The following RIC1 variants were observed in gnomAD, a reference collection of about 807,000 sequenced individuals.
The protein encoded by RIC1 is guanine nucleotide exchange factor subunit RIC1.
RIC1 carries 88 observed loss-of-function variants against 169.0 expected under a neutral mutation model. That is an observed-to-expected ratio of 0.52 (90% confidence interval 0.44 to 0.62). The LOEUF (loss-of-function observed/expected upper bound fraction) is 0.62. RIC1 is among the 20% of genes least tolerant of loss of function. The probability of loss-of-function intolerance (pLI) is 0.00; values close to 1 mark genes in which losing one functional copy is unlikely to be tolerated. For synonymous variants in RIC1, 790 were observed against 601.5 expected (o/e 1.31, Z -4.59); for missense variants, 1,877 against 1,725.5 (o/e 1.09, Z -1.56).
intron 9 of RIC1, 129 bp from the exon 10 acceptor site, chr9:5,743,560 T>G (rs1825202136): frequency 1.4e-6 from 1 of 715,144 alleles, no homozygotes; most frequent in Non-Finnish European, 2.3e-6. Context: ...AGTTTTGTAT[T>G]TCATGCATTA....
chr9:5,713,960 T>G lies in RIC1; in HGVS notation c.397T>G (p.Leu133Val). 1 of 1,613,144 alleles carries G rather than the reference T, an allele frequency of 6.2e-7. No homozygotes were observed. Among genetic ancestry groups the G allele is most frequent in the Non-Finnish European group, 8.5e-7 (1 of 1,179,430 alleles). The change falls in exon 4 of 26, where the codon TTG becomes GTG. Residue 133 changes from leucine (L) to valine (V), a missense_variant. Physicochemically the swap from Leu to Val is conservative, Grantham distance 32. Around this residue, in one of 3 missense-constraint regions of RIC1, gnomAD observed 1,104 missense variants for 992.0 expected, o/e 1.11. Coordinates refer to ENST00000414202, the MANE Select transcript of RIC1 (RefSeq NM_020829.4). ...KEEQCAPALN[L>V]EMRKILDLQA... ...AGAACAGTGTGCTCCAGCATTAAAT[T>G]TGGAGATGAGGAAAATACTGGATTT...
In RIC1 at chr9:5,742,981, A is replaced by G; in HGVS notation, c.1014A>G (p.Ala338=). 1.2e-6 allele frequency: 2 copies of G among 1,613,074 alleles called. No homozygotes were observed. Among genetic ancestry groups the G allele is most frequent in the Non-Finnish European group, 1.7e-6 (2 of 1,179,464 alleles). Residue 338 remains alanine, a synonymous_variant, in exon 9 of 26, where the codon GCA becomes GCG. Transcript: ENST00000414202. ...TTTCTTTATGGAGTGTTTTTGGAGC[A>G]CAGCTGATTTGTACACTTGGAGGAG... ...GGLSLWSVFG[A]QLICTLGGDF...
In RIC1 at chr9:5,687,920, T is replaced by TTG. The variant is rs562402154; in HGVS notation, c.253-2025_253-2024dup. On this transcript the variant is annotated intron_variant, in intron 2 of 25. Coordinates refer to ENST00000414202, the MANE Select transcript of RIC1 (RefSeq NM_020829.4). ...TGTTTCTGTTTTATTTTGGGTTTTT[T>TTG]TGTGTGTGTGTGTGTTTCATTATGG... Among the ~76,000 whole-genome samples the TTG allele has an allele frequency of 7.2e-3, 1,088 of 152,086 alleles. 13 individuals are homozygous for TTG. The highest frequency in any genetic ancestry group is 0.02 in the African/African-American group (833 of 41,504).
chr9:5,635,751 A>G (rs970375767), intron 1 of RIC1, among the ~76,000 whole-genome samples: 14 of 152,128 alleles, frequency 9.2e-5, no homozygotes, highest in Non-Finnish European at 1.6e-4. Context: ...TGTGATAGTA[A>G]GTTCTCACGA....
At chr9:5,700,434 T>G (rs1045189316) in intron 3 of RIC1, among the ~76,000 whole-genome samples, 2 of 152,190 alleles carry the variant, frequency 1.3e-5, no homozygotes, top group Non-Finnish European at 2.9e-5. Context: ...ATTCAATTTA[T>G]TAGAGCTTCA....
At chr9:5,711,180 G>A (rs778907417) in intron 3 of RIC1, among the ~76,000 whole-genome samples, 15 of 152,102 alleles carry the variant, frequency 9.9e-5, no homozygotes, top group Non-Finnish European at 1.9e-4. Context: ...AGAGGAAAAA[G>A]AGCTAGTCTG....
chr9:5,723,952 G>A (rs941948852), intron 6 of RIC1, among the ~76,000 whole-genome samples: 2 of 152,102 alleles, frequency 1.3e-5, no homozygotes, highest in African/African-American at 4.8e-5. Flanking sequence ...TGCTGTTTTG[G>A]TTACTGTAGC....
At chr9:5,722,346 A>AGTGTGTGTGT (rs1343192304) in intron 6 of RIC1, among the ~76,000 whole-genome samples, 8 of 59,230 alleles carry the variant, frequency 1.4e-4, no homozygotes, top group African/African-American at 6.5e-4. Flanking sequence ...TAAGAGAGAG[A>AGTGTGTGTGT]GAGTGTGTGT....
intron 10 of RIC1, among the ~76,000 whole-genome samples, chr9:5,744,677 T>G (rs967148394): frequency 2.0e-5 from 3 of 150,846 alleles, no homozygotes; most frequent in African/African-American, 7.3e-5. Context: ...AAGTCAGGTG[T>G]GGGATTTTTT....
chr9:5,748,354 C>G (rs1825514345), intron 12 of RIC1, among the ~76,000 whole-genome samples: 1 of 152,038 alleles, frequency 6.6e-6, no homozygotes, highest in South Asian at 2.1e-4. Flanking sequence ...TTTCAGTTGA[C>G]TTTGAGTGAA....
intron 12 of RIC1, among the ~76,000 whole-genome samples, chr9:5,749,667 T>G (rs919397376): frequency 1.3e-5 from 2 of 151,842 alleles, no homozygotes; most frequent in Non-Finnish European, 1.5e-5. Context: ...GCTTCCAGAT[T>G]GGAAGATTCT....
intron 3 of RIC1, among the ~76,000 whole-genome samples, chr9:5,707,123 C>A (rs1259370502): frequency 6.6e-6 from 1 of 151,912 alleles, no homozygotes; most frequent in East Asian, 1.9e-4. Flanking sequence ...TCCTGATTTC[C>A]CTTTTGGTTC....
intron 6 of RIC1, among the ~76,000 whole-genome samples, chr9:5,730,098 A>G (rs966394930): frequency 6.6e-6 from 1 of 152,178 alleles, no homozygotes; most frequent in African/African-American, 2.4e-5. Flanking sequence ...AGAAAATACA[A>G]ATTACAAGAA....
Position 5,763,066 on chromosome 9 carries a change from A to C in RIC1, c.2113-74A>C. ...ATACTATCATTTGAAAGACTTAGTAAACTAGTACCTAGGAACTTAAGAACC... is the reference window on the plus strand; with the variant it reads ...ATACTATCATTTGAAAGACTTAGTACACTAGTACCTAGGAACTTAAGAACC... On this transcript the variant is annotated intron_variant, in intron 18 of 25. Transcript: ENST00000414202. This position sits in a 1 kb window ranked among gnomAD's most constrained non-coding sequence, Gnocchi z 5.2. The C allele has an allele frequency of 6.6e-7, 1 of 1,513,602 alleles. No homozygotes were observed. The highest frequency in any genetic ancestry group is 8.9e-7 in the Non-Finnish European group (1 of 1,124,816). The allele number at this position is 1,513,602 out of a possible 1,614,324, so 93.8% of individuals were successfully genotyped here. A position where few individuals can be genotyped will look rare whatever the true frequency, so the allele number is the denominator to read the frequency against.
chr9:5,751,203 A>T (rs192226529), intron 12 of RIC1, among the ~76,000 whole-genome samples: 1 of 151,786 alleles, frequency 6.6e-6, no homozygotes, highest in Non-Finnish European at 1.5e-5. Context: ...AGTGCAATGG[A>T]TGATTGACAC....
chr9:5,690,683 A>G (rs13296477), intron 3 of RIC1, among the ~76,000 whole-genome samples: 4,396 of 151,952 alleles, frequency 0.029, 64 homozygotes, highest in Non-Finnish European at 0.036. Flanking sequence ...AGAAAGACAG[A>G]TTTTACTGTG....
intron 4 of RIC1, among the ~76,000 whole-genome samples, chr9:5,719,796 C>G (rs374729750): frequency 6.6e-6 from 1 of 152,158 alleles, no homozygotes; most frequent in Non-Finnish European, 1.5e-5. Flanking sequence ...AGTGCCAGAG[C>G]ATTGTTACCT....
chr9:5,645,161 C>T (rs1586871539), intron 1 of RIC1, among the ~76,000 whole-genome samples: 1 of 151,980 alleles, frequency 6.6e-6, no homozygotes, highest in Non-Finnish European at 1.5e-5. Flanking sequence ...TCAAGTGATC[C>T]TTCCACCCCA....
At chr9:5,648,537 C>G (rs1432313144) in intron 1 of RIC1, among the ~76,000 whole-genome samples, 2 of 152,070 alleles carry the variant, frequency 1.3e-5, no homozygotes, top group African/African-American at 2.4e-5. Context: ...TGGATAAATA[C>G]CTAACAGTGG....
Sources: gnomAD v4.1 joint callset for allele counts (sites outside exome capture counted in the v4.1 genomes callset) on GRCh38, gnomAD v4.1.1 for gene constraint, gnomAD v4.1.1 regional missense constraint, Gnocchi (gnomAD v3.1) non-coding constraint, MANE v1.5 for transcripts, NCBI Gene and HGNC (gene_info 2026-07-23, HGNC 2026-07-21) for gene names.